Variants in GPN3 observed in about 807,000 individuals in gnomAD.
GPN3 encodes the protein GPN-loop GTPase 3, also known as ATP-binding domain 1 family member C.
A neutral mutation model predicts 38.7 loss-of-function variants in GPN3; 31 were observed. The observed-to-expected ratio is 0.80, with a 90% CI of 0.60 to 1.08. GPN3 has a LOEUF of 1.08. Ranked by LOEUF, GPN3 falls within the 50% of genes least tolerant of loss-of-function variation. The pLI is 0.00. For synonymous variants in GPN3, 116 were observed against 120.2 expected (o/e 0.96, Z 0.23); for missense variants, 301 against 354.4 (o/e 0.85, Z 1.21).
At chr12:110,463,490 C>A (rs1465185775) in intron 2 of GPN3, among the ~76,000 whole-genome samples, 2 of 150,814 alleles carry the variant, frequency 1.3e-5, no homozygotes, top group Non-Finnish European at 3.0e-5. Flanking sequence ...CAAAAAAAGG[C>A]CGGATGCAGT....
intron 3 of GPN3, among the ~76,000 whole-genome samples, chr12:110,457,911 TG>T (rs1188699248): frequency 6.6e-6 from 1 of 151,924 alleles, no homozygotes; most frequent in African/African-American, 2.4e-5. Flanking sequence ...GTGGATCACT[TG>T]AGGCCAGGAG....
chr12:110,455,289 A>G (rs986821268), intron 6 of GPN3, among the ~76,000 whole-genome samples: 2 of 147,910 alleles, frequency 1.4e-5, no homozygotes, highest in East Asian at 4.0e-4. Flanking sequence ...TGCCCAGCTA[A>G]TTTTTTTTTG....
Position 110,468,189 on chromosome 12 carries a change from C to CGCA in GPN3, c.12_14dup (p.Ala5dup). The CGCA allele has an allele frequency of 6.2e-7, 1 of 1,610,614 alleles. No individual in the cohort carries two copies. Among genetic ancestry groups the CGCA allele is most frequent in the Non-Finnish European group, 8.5e-7 (1 of 1,179,970 alleles). On this transcript the variant is annotated inframe_insertion, in exon 1 of 8. Transcript: ENST00000228827. ...TGCCCGCGGGGCCCATGACCAGCTGCGCATACCGAGGCATGTTGGCTCCCG... is the reference window on the plus strand; with the variant it reads ...TGCCCGCGGGGCCCATGACCAGCTGCGCAGCATACCGAGGCATGTTGGCTCCCG...
chr12:110,459,134 C>T (rs1456826964), intron 3 of GPN3, among the ~76,000 whole-genome samples: 2 of 152,160 alleles, frequency 1.3e-5, no homozygotes, highest in Non-Finnish European at 1.5e-5. Flanking sequence ...TGTACTGTCT[C>T]GAGTTCTGCC....
At chr12:110,456,329 C>CAAAAAAAAAAAAA (rs59734369) in intron 4 of GPN3, among the ~76,000 whole-genome samples, 1 of 67,062 alleles carries the variant, frequency 1.5e-5, no homozygotes, top group Non-Finnish European at 3.2e-5. Context: ...AACTTGGTCT[C>CAAAAAAAAAAAAA]AAAAAAAAAA....
chr12:110,468,554 C>G, upstream of GPN3: 2 of 1,537,320 alleles, frequency 1.3e-6, no homozygotes, highest in Non-Finnish European at 1.7e-6. Flanking sequence ...GACGTTTGAC[C>G]TGTATGGTGA....
In GPN3 at chr12:110,453,881, G is replaced by T; in HGVS notation, c.664-10C>A. ...TGCTGTAGTCATCAATCTACAAGTT[G>T]TGGATTTCAAGAAAAGTTCATTCTG... On this transcript the variant is annotated splice_polypyrimidine_tract_variant and intron_variant, in intron 6 of 7. Coordinates refer to ENST00000228827, the MANE Select transcript of GPN3 (RefSeq NM_016301.4). 6.3e-7 allele frequency: 1 copy of T among 1,591,884 alleles called. No homozygotes were observed. The highest frequency in any genetic ancestry group is 8.6e-7 in the Non-Finnish European group (1 of 1,168,450).
At chr12:110,453,148 G>A in intron 7 of GPN3, 52 bp from the exon 8 acceptor site, 1 of 852,640 alleles carries the variant, frequency 1.2e-6, no homozygotes, top group Non-Finnish European at 2.0e-6. Context: ...CCCTCAGTCA[G>A]AACTAGTATG....
At chr12:110,460,550 CA>C (rs1328502376) in intron 2 of GPN3, among the ~76,000 whole-genome samples, 1 of 152,176 alleles carries the variant, frequency 6.6e-6, no homozygotes, top group Non-Finnish European at 1.5e-5. Context: ...AAATCACCAT[CA>C]GGGGCTGGGT....
At chr12:110,468,492 G>A, upstream of GPN3, 1 of 1,537,246 alleles carries the variant, frequency 6.5e-7, no homozygotes. Context: ...ACGGACAACA[G>A]ATAAAGCTCC....
chr12:110,459,295 T>C (rs1413909881), intron 3 of GPN3, among the ~76,000 whole-genome samples: 1 of 151,514 alleles, frequency 6.6e-6, no homozygotes, highest in African/African-American at 2.4e-5. Flanking sequence ...GGCTGGAGTG[T>C]AGTGGTACAA....
chr12:110,466,035 C>T (rs1240485364), intron 1 of GPN3, among the ~76,000 whole-genome samples: 1 of 151,806 alleles, frequency 6.6e-6, no homozygotes, highest in African/African-American at 2.4e-5. Flanking sequence ...TGAGATCACA[C>T]CACTGCACTC....
chr12:110,456,537 A>G (rs1478094258), intron 4 of GPN3, among the ~76,000 whole-genome samples: 3 of 152,120 alleles, frequency 2.0e-5, no homozygotes, highest in Non-Finnish European at 4.4e-5. Context: ...ACAGCATTTT[A>G]ATTTCCTTTC....
Position 110,455,685 on chromosome 12 carries a change from T to C in GPN3, c.567-3A>G. On this transcript the variant is annotated splice_polypyrimidine_tract_variant and splice_region_variant and intron_variant, in intron 5 of 7. Coordinates refer to ENST00000228827, the MANE Select transcript of GPN3 (RefSeq NM_016301.4). ...AATACATGTCTGGATCTAAAAATCTTTAAAAGACAGAAAGACTGATGAATT... is the reference window on the plus strand; with the variant it reads ...AATACATGTCTGGATCTAAAAATCTCTAAAAGACAGAAAGACTGATGAATT... 1 of 1,223,640 alleles carries C rather than the reference T, an allele frequency of 8.2e-7. No individual in the cohort carries two copies. The allele number at this position is 1,223,640 out of a possible 1,614,324, so 75.8% of individuals were successfully genotyped here. A position where few individuals can be genotyped will look rare whatever the true frequency, so the allele number is the denominator to read the frequency against.
chr12:110,459,653 C>G, intron 3 of GPN3, 42 bp downstream of exon 3: 1 of 1,376,388 alleles, frequency 7.3e-7, no homozygotes, highest in South Asian at 1.2e-5. Context: ...ATGGAACTAT[C>G]AAGACTTTAA....
chr12:110,454,824 G>A (rs1486004737), intron 6 of GPN3, among the ~76,000 whole-genome samples: 1 of 151,284 alleles, frequency 6.6e-6, no homozygotes, highest in Non-Finnish European at 1.5e-5. Context: ...CACCATGCCT[G>A]GCTTTTTTTT....
Position 110,455,680 on chromosome 12 carries a change from A to C in GPN3, c.569T>G (p.Phe190Cys). 8.0e-7 allele frequency: 1 copy of C among 1,254,084 alleles called. No homozygotes were observed. The highest frequency in any genetic ancestry group is 1.2e-6 in the Non-Finnish European group (1 of 858,038). The allele number at this position is 1,254,084 out of a possible 1,614,324, so 77.7% of individuals were successfully genotyped here. Residue 190 changes from phenylalanine to cysteine, a missense_variant and splice_region_variant, in exon 6 of 8, where the codon TTT (phenylalanine) becomes TGT (cysteine). Transcript: ENST00000228827. ...TAAAGAATACATGTCTGGATCTAAA[A>C]ATCTTTAAAAGACAGAAAGACTGAT... ...SKKAKKEIEK[F>C]LDPDMYSLLE...
chr12:110,467,113 CGAG>C (rs1183475344), intron 1 of GPN3, among the ~76,000 whole-genome samples: 2 of 152,018 alleles, frequency 1.3e-5, no homozygotes, highest in Admixed American at 1.3e-4. Context: ...TTCAGCTTCC[CGAG>C]AAGCTGGGAC....
At chr12:110,464,396 T>C (rs1481105976) in intron 2 of GPN3, among the ~76,000 whole-genome samples, 1 of 152,112 alleles carries the variant, frequency 6.6e-6, no homozygotes, top group African/African-American at 2.4e-5. Flanking sequence ...GTCTGTATTA[T>C]TCTCTGCTAT....
Sources: allele counts gnomAD v4.1 joint callset (sites outside exome capture counted in the v4.1 genomes callset), GRCh38; gene constraint gnomAD v4.1.1; transcripts MANE v1.5; gene names NCBI Gene and HGNC (gene_info 2026-07-23, HGNC 2026-07-21).